The following LHCGR variants were observed in gnomAD, a reference collection of about 807,000 sequenced individuals.
LHCGR encodes the protein luteinizing hormone/choriogonadotropin receptor, also known as lutropin-choriogonadotropic hormone receptor.
LHCGR carries 55 observed loss-of-function variants against 60.7 expected under a neutral mutation model. The observed-to-expected ratio is 0.91, with a 90% CI of 0.73 to 1.13. The LOEUF is 1.13. LHCGR is among the 50% of genes most tolerant of loss of function. The pLI is 0.00. For synonymous variants in LHCGR, 337 were observed against 316.5 expected (o/e 1.06, Z -0.69); for missense variants, 862 against 836.0 (o/e 1.03, Z -0.38).
intron 2 of LHCGR, 38 bp from the exon 3 acceptor site, chr2:48,729,265 T>C (rs1433118602): frequency 6.9e-7 from 1 of 1,456,880 alleles, no homozygotes; most frequent in Non-Finnish European, 9.6e-7. Flanking sequence ...GAAAGAAACA[T>C]GAAAGAAATG....
At chr2:48,717,924 G>C (rs923981251) in intron 6 of LHCGR, among the ~76,000 whole-genome samples, 2 of 119,300 alleles carry the variant, frequency 1.7e-5, no homozygotes, top group African/African-American at 6.4e-5. Context: ...AGTTGCTCTT[G>C]TCTCTTTTCT....
At chr2:48,729,315 C>A (rs981040117) in intron 2 of LHCGR, 88 bp from the exon 3 acceptor site, 2 of 962,522 alleles carry the variant, frequency 2.1e-6, no homozygotes, top group African/African-American at 3.2e-5. Flanking sequence ...TGTGACCCAA[C>A]AACTGGGGAC....
intron 1 of LHCGR, among the ~76,000 whole-genome samples, chr2:48,753,032 A>C (rs1670050144): frequency 7.3e-6 from 1 of 136,350 alleles, no homozygotes. Context: ...GGACTTTTAA[A>C]ATATACTTTT....
chr2:48,713,825 C>G (rs997441288), intron 7 of LHCGR, among the ~76,000 whole-genome samples, 161 bp downstream of exon 7: 1 of 152,166 alleles, frequency 6.6e-6, no homozygotes, highest in African/African-American at 2.4e-5. Flanking sequence ...TCTGGGGTTT[C>G]TAGCCAGCCA....
At chr2:48,722,433 C>A (rs1668540714) in intron 6 of LHCGR, among the ~76,000 whole-genome samples, 1 of 152,178 alleles carries the variant, frequency 6.6e-6, no homozygotes, top group African/African-American at 2.4e-5. Flanking sequence ...AATTGCATTA[C>A]AAATTATAAT....
chr2:48,722,420 C>G (rs1668540106), intron 6 of LHCGR, among the ~76,000 whole-genome samples: 1 of 152,184 alleles, frequency 6.6e-6, no homozygotes, highest in African/African-American at 2.4e-5. Flanking sequence ...TGTGTTTCCA[C>G]AAAATTGCAT....
chr2:48,702,104 C>T (rs1200440673), intron 8 of LHCGR, among the ~76,000 whole-genome samples: 2 of 152,066 alleles, frequency 1.3e-5, no homozygotes, highest in South Asian at 2.1e-4. Flanking sequence ...GATAACTGGT[C>T]GCCGTGTGTG....
chr2:48,747,559 G>A (rs1243902929), intron 1 of LHCGR, among the ~76,000 whole-genome samples: 3 of 152,194 alleles, frequency 2.0e-5, no homozygotes, highest in African/African-American at 4.8e-5. Context: ...TGACTGAGCA[G>A]ATCGATTCTA....
At chr2:48,738,026 A>T (rs551008865) in intron 1 of LHCGR, among the ~76,000 whole-genome samples, 15 of 152,264 alleles carry the variant, frequency 9.9e-5, no homozygotes, top group Middle Eastern at 6.8e-3. Flanking sequence ...GTTCATTTGG[A>T]TGTTTGTCGA....
intron 8 of LHCGR, among the ~76,000 whole-genome samples, chr2:48,708,058 A>G (rs957081758): frequency 1.3e-5 from 2 of 152,186 alleles, no homozygotes; most frequent in Admixed American, 1.3e-4. Flanking sequence ...TCCCAATGAG[A>G]TGAACCAGGT....
In LHCGR at chr2:48,687,690, G is replaced by C. The variant is rs200256443; in HGVS notation, c.*7C>G. On this transcript the variant is annotated 3_prime_UTR_variant, in exon 11 of 11. Transcript: ENST00000294954. Reference sequence around the variant, plus strand: ...ACAATTCAATAATGCAGTTACTGATGTAACAGTTAACACTCTGTGTAGCGA... The same window carrying C: ...ACAATTCAATAATGCAGTTACTGATCTAACAGTTAACACTCTGTGTAGCGA... The C allele has an allele frequency of 6.2e-7, 1 of 1,606,784 alleles. No individual in the cohort carries two copies.
At chr2:48,700,877 G>A (rs1276659445) in intron 8 of LHCGR, among the ~76,000 whole-genome samples, 1 of 152,186 alleles carries the variant, frequency 6.6e-6, no homozygotes, top group South Asian at 2.1e-4. Context: ...AACGACAGAA[G>A]TTAGGAAGCA....
At chr2:48,731,420 T>C (rs930213445) in intron 1 of LHCGR, 122 bp from the exon 2 acceptor site, 20 of 699,550 alleles carry the variant, frequency 2.9e-5, no homozygotes, top group Non-Finnish European at 4.9e-5. Context: ...TCCCAAGAAC[T>C]GGATTCAGGC....
Position 48,707,733 on chromosome 2 carries a change from A to G in LHCGR, c.680+1215T>C, listed in dbSNP as rs139752705. 5.2e-3 allele frequency among the ~76,000 whole-genome samples: 796 copies of G among 152,340 alleles called. 6 individuals are homozygous for G. The highest frequency in any genetic ancestry group is 0.014 in the Middle Eastern group (4 of 294). On this transcript the variant is annotated intron_variant, in intron 8 of 10. Coordinates refer to ENST00000294954, the MANE Select transcript of LHCGR (RefSeq NM_000233.4). ...CTCAGCAATGGCGGATGTCCCTTCC[A>G]GCATCTCAGGTCTATCTTAGACTGC...
At chr2:48,744,916 A>G (rs939003620) in intron 1 of LHCGR, among the ~76,000 whole-genome samples, 7 of 152,126 alleles carry the variant, frequency 4.6e-5, no homozygotes, top group Non-Finnish European at 8.8e-5. Context: ...GCAACCTACA[A>G]AATGGGAGAA....
In LHCGR at chr2:48,725,661, A is replaced by C; in HGVS notation, c.383+15T>G. The C allele has an allele frequency of 6.3e-7, 1 of 1,597,640 alleles. No homozygotes were observed. The highest frequency in any genetic ancestry group is 1.1e-5 in the South Asian group (1 of 90,758). ...TCTTCCCCTCCCCAATTGCTTAAAA[A>C]GGAAAATTTCTCACAAGTATTTTAA... On this transcript the variant is annotated intron_variant, in intron 4 of 10. Transcript: ENST00000294954.
chr2:48,752,359 C>T (rs1669994057), intron 1 of LHCGR, among the ~76,000 whole-genome samples: 1 of 152,038 alleles, frequency 6.6e-6, no homozygotes, highest in African/African-American at 2.4e-5. Flanking sequence ...CATAAATTAA[C>T]ATCTATTGAG....
intron 9 of LHCGR, among the ~76,000 whole-genome samples, chr2:48,697,341 G>A (rs1228530357): frequency 6.6e-6 from 1 of 152,134 alleles, no homozygotes; most frequent in East Asian, 1.9e-4. Flanking sequence ...ACTCTGCTCT[G>A]TTCTCAGATC....
In LHCGR at chr2:48,717,769, C is replaced by T. The variant is rs926214124; in HGVS notation, c.537-3715G>A. 3.3e-5 allele frequency among the ~76,000 whole-genome samples: 5 copies of T among 151,202 alleles called. No homozygotes were observed. The South Asian group carries it at 6.3e-4, about 19-fold the overall frequency. On this transcript the variant is annotated intron_variant, in intron 6 of 10. Coordinates refer to ENST00000294954, the MANE Select transcript of LHCGR (RefSeq NM_000233.4). ...ACTAAATGTACTCACGTGCTGAAGG[C>T]TCTCAAACACCTTTGGTCTGTACTA...
Sources: gnomAD v4.1 joint callset for allele counts (sites outside exome capture counted in the v4.1 genomes callset) on GRCh38, gnomAD v4.1.1 for gene constraint, MANE v1.5 for transcripts, NCBI Gene and HGNC (gene_info 2026-07-23, HGNC 2026-07-21) for gene names.